SYT3: variants seen among roughly 807,000 people sequenced by gnomAD.
SYT3 encodes synaptotagmin-3.
SYT3 carries 25 observed loss-of-function variants against 50.6 expected under a neutral mutation model. The ratio of observed to expected loss-of-function variants is 0.49; its 90% CI spans 0.36 to 0.69. SYT3 has a LOEUF of 0.69. Ranked by LOEUF, SYT3 falls within the 30% of genes least tolerant of loss-of-function variation. The pLI, the probability that SYT3 is intolerant of heterozygous loss-of-function variation, is 0.00. For missense variants in SYT3, 589 were observed against 793.6 expected (o/e 0.74, Z 3.10); for synonymous variants, 323 against 353.9 (o/e 0.91, Z 0.98).
At position 50,632,200 on chromosome 19, in the gene SYT3, G is replaced by A. The variant is rs1363756; in HGVS notation, c.674+86C>T. On this transcript the variant is annotated intron_variant, in intron 4 of 10. Coordinates refer to ENST00000600079, the MANE Select transcript of SYT3 (RefSeq NM_001160329.2). The surrounding 1 kb of genome is among the most constrained non-coding windows in gnomAD (Gnocchi z 4.7). Reference sequence around the variant, plus strand: ...ATACCCCGATTCCCCTCCAAATCCCGAACTCATAAGAGCTATAGATAGGAA... The same window carrying A: ...ATACCCCGATTCCCCTCCAAATCCCAAACTCATAAGAGCTATAGATAGGAA... The A allele has an allele frequency of 0.46, 643,906 of 1,388,868 alleles. 156,050 individuals carry two copies. Among genetic ancestry groups the A allele is most frequent in the African/African-American group, 0.77 (53,269 of 68,894 alleles). 86.0% of individuals were successfully genotyped at this position (1,388,868 alleles called of 1,614,324 possible).
the SYT3 span, among the ~76,000 whole-genome samples, chr19:50,650,397 G>A: frequency 6.6e-6 from 1 of 152,242 alleles, no homozygotes; most frequent in Non-Finnish European, 1.5e-5. Flanking sequence ...AGGACTGGGT[G>A]TGGTGGCTCA....
chr19:50,631,919 C>T (rs529904296), intron 4 of SYT3, among the ~76,000 whole-genome samples: 3 of 152,144 alleles, frequency 2.0e-5, no homozygotes, highest in Non-Finnish European at 4.4e-5. Context: ...AACTCCAGGT[C>T]CCACTACCAA....
Position 50,629,329 on chromosome 19 carries a change from G to A in SYT3, c.1246C>T (p.Arg416Cys), listed in dbSNP as rs769432992. ...TCCACGATGTCCCTCCAGAGCGGGC[G>A]GTCAGGGGGCTGCTCGGCCAGCTCC... Reference protein sequence around the residue: ...LLELAEQPPDRPLWRDIVEGG... With the variant: ...LLELAEQPPDCPLWRDIVEGG... The change falls in exon 6 of 11, where the codon CGC becomes TGC. Residue 416 changes from arginine (R) to cysteine (C), a missense_variant. Physicochemically the swap from Arg to Cys is radical, Grantham distance 180. Transcript: ENST00000600079. 5.6e-6 allele frequency: 9 copies of A among 1,612,366 alleles called. No homozygotes were observed. The highest frequency in any genetic ancestry group is 7.6e-6 in the Non-Finnish European group (9 of 1,179,074).
chr19:50,658,067 G>A, the SYT3 span: 3 of 1,536,018 alleles, frequency 2.0e-6, no homozygotes, highest in African/African-American at 1.4e-5. Context: ...GAGCGGGCGC[G>A]TGAGCAGCAT....
At chr19:50,647,227 G>A in the SYT3 span, among the ~76,000 whole-genome samples, 1 of 152,138 alleles carries the variant, frequency 6.6e-6, no homozygotes, top group Non-Finnish European at 1.5e-5. Flanking sequence ...AGATCATGCA[G>A]CTCTTTCAGT....
At chr19:50,623,541 C>A (rs1291185713) in intron 9 of SYT3, among the ~76,000 whole-genome samples, 2 of 118,332 alleles carry the variant, frequency 1.7e-5, no homozygotes, top group African/African-American at 7.0e-5. Context: ...ACTTTGGGAG[C>A]CCAAGGTGGG....
Position 50,634,572 on chromosome 19 carries a change from C to CTTTT in SYT3, c.149-1765_149-1762dup, listed in dbSNP as rs3028785. ...TCCTTCCCCCCTCCCTCTTGGGGTG[C>CTTTT]TTTTTTTTTTTTTTTTTTTTTTTTT... is the stretch of plus-strand genomic sequence containing the variant. On this transcript the variant is annotated intron_variant, in intron 3 of 10. Coordinates refer to ENST00000600079, the MANE Select transcript of SYT3 (RefSeq NM_001160329.2). Among the ~76,000 whole-genome samples the CTTTT allele has an allele frequency of 2.9e-3, 217 of 74,238 alleles. 16 individuals are homozygous for CTTTT. Among genetic ancestry groups the CTTTT allele is most frequent in the South Asian group, 0.011 (20 of 1,748 alleles). The allele number at this position is 74,238 out of a possible 152,430, so 48.7% of individuals were successfully genotyped here.
chr19:50,645,010 C>T, the SYT3 span, among the ~76,000 whole-genome samples: 3 of 152,238 alleles, frequency 2.0e-5, no homozygotes, highest in East Asian at 3.9e-4. Flanking sequence ...CACATATGTG[C>T]CTGGAGGTAG....
chr19:50,646,632 A>G, the SYT3 span, among the ~76,000 whole-genome samples: 1 of 151,996 alleles, frequency 6.6e-6, no homozygotes, highest in Admixed American at 6.6e-5. Context: ...GGAGACAGAA[A>G]ACACAACTGG....
At chr19:50,650,516 C>T in the SYT3 span, among the ~76,000 whole-genome samples, 2 of 152,116 alleles carry the variant, frequency 1.3e-5, no homozygotes, top group African/African-American at 2.4e-5. Flanking sequence ...TCTAAAAATA[C>T]AAAAATTAGC....
the SYT3 span, among the ~76,000 whole-genome samples, chr19:50,646,937 T>C: frequency 2.6e-5 from 4 of 152,056 alleles, no homozygotes; most frequent in African/African-American, 9.7e-5. Flanking sequence ...CTCACGCCAT[T>C]CTCCTGCCTC....
chr19:50,651,413 C>T, the SYT3 span, among the ~76,000 whole-genome samples: 4 of 152,224 alleles, frequency 2.6e-5, no homozygotes, highest in African/African-American at 9.6e-5. Flanking sequence ...CCTGATTGCC[C>T]CTAGACCGGG....
the SYT3 span, chr19:50,649,837 C>G: frequency 2.0e-6 from 1 of 500,378 alleles, no homozygotes; most frequent in Non-Finnish European, 3.9e-6. Context: ...AGCTCAGCAT[C>G]TTCCCCCAAA....
chr19:50,641,912 ATAAG>A (rs796603656), upstream of SYT3, among the ~76,000 whole-genome samples: 89 of 152,324 alleles, frequency 5.8e-4, 1 homozygote, highest in African/African-American at 2.1e-3. Context: ...AAATGTCAAA[ATAAG>A]TAAGTAAATA....
upstream of SYT3, among the ~76,000 whole-genome samples, chr19:50,641,130 G>A (rs1210560704): frequency 6.8e-6 from 1 of 146,266 alleles, no homozygotes; most frequent in African/African-American, 2.5e-5. Flanking sequence ...TCCCACCTAC[G>A]CAGGAGGCTG....
chr19:50,624,844 G>A (rs1328194756), intron 9 of SYT3: 3 of 254,152 alleles, frequency 1.2e-5, no homozygotes, highest in African/African-American at 4.4e-5. Context: ...GAGCCACCAC[G>A]CCCAGCCCCC....
At chr19:50,635,194 C>T (rs149676598) in intron 3 of SYT3, among the ~76,000 whole-genome samples, 31 of 152,268 alleles carry the variant, frequency 2.0e-4, no homozygotes, top group South Asian at 1.0e-3. Context: ...AGGTGTGAGC[C>T]ACCACACCTG....
At chr19:50,651,054 T>A in the SYT3 span, among the ~76,000 whole-genome samples, 1 of 152,352 alleles carries the variant, frequency 6.6e-6, no homozygotes, top group African/African-American at 2.4e-5. Context: ...GTTGATCAGG[T>A]TGCAAACTTC....
At chr19:50,649,383 G>C in the SYT3 span, 1 of 1,498,964 alleles carries the variant, frequency 6.7e-7, no homozygotes, top group Non-Finnish European at 9.0e-7. Context: ...AGCTGGGGTG[G>C]GTGGCCCAGG....
Sources: allele counts gnomAD v4.1 joint callset (sites outside exome capture counted in the v4.1 genomes callset), GRCh38; gene constraint gnomAD v4.1.1; non-coding constraint Gnocchi (gnomAD v3.1); transcripts MANE v1.5; gene names NCBI Gene and HGNC (gene_info 2026-07-23, HGNC 2026-07-21).